Variants in VPS36 observed in about 807,000 individuals in gnomAD.
VPS36 encodes the protein vacuolar protein sorting 36 homolog, also known as vacuolar protein-sorting-associated protein 36.
In VPS36, 31 loss-of-function variants were observed where a neutral mutation model predicts 63.5. The ratio of observed to expected loss-of-function variants is 0.49; its 90% CI spans 0.37 to 0.66. VPS36 has a LOEUF of 0.66. Ranked by LOEUF, VPS36 falls within the 30% of genes least tolerant of loss-of-function variation. The pLI, the probability that VPS36 is intolerant of heterozygous loss-of-function variation, is 0.00. For missense variants in VPS36, 338 were observed against 463.7 expected (o/e 0.73, Z 2.49); for synonymous variants, 138 against 157.2 (o/e 0.88, Z 0.91).
rs769967041 is a variant in VPS36, at chr13:52,413,043, T to G, written c.*2787A>C. On this transcript the variant is annotated 3_prime_UTR_variant, in exon 14 of 14. Coordinates refer to ENST00000378060, the MANE Select transcript of VPS36 (RefSeq NM_016075.4). Reference sequence around the variant, plus strand: ...AATTTATTGGTAATTTAGGAGATTTTCAAGGACCATTCTGAGCATGCTCAA... The same window carrying G: ...AATTTATTGGTAATTTAGGAGATTTGCAAGGACCATTCTGAGCATGCTCAA... The G allele has an allele frequency of 1.3e-5, 2 of 152,682 alleles. No individual in the cohort carries two copies. The highest frequency in any genetic ancestry group is 2.4e-5 in the African/African-American group (1 of 41,464). 9.5% of individuals were successfully genotyped at this position (152,682 alleles called of 1,614,324 possible).
In VPS36 at chr13:52,434,795, G is replaced by T; in HGVS notation, c.439C>A (p.Gln147Lys). 6.2e-7 allele frequency: 1 copy of T among 1,611,832 alleles called. No homozygotes were observed. Among genetic ancestry groups the T allele is most frequent in the African/African-American group, 1.3e-5 (1 of 74,908 alleles). The change falls in exon 5 of 14, where the codon CAG becomes AAG. Residue 147 changes from glutamine (Q) to lysine (K), a missense_variant and splice_region_variant. Gln to Lys is a moderately conservative substitution (Grantham distance 53, BLOSUM62 1). Coordinates refer to ENST00000378060, the MANE Select transcript of VPS36 (RefSeq NM_016075.4). ...SQSLQTNRGP[Q>K]PGRIRAVGIV... ...TTAGCAAATAGTTTTAAAAATACCT[G>T]GGGTCCTCTATTTGTTTGTAATGAC... is the stretch of plus-strand genomic sequence containing the variant.
At chr13:52,420,052 C>G (rs916470419) in intron 10 of VPS36, among the ~76,000 whole-genome samples, 6 of 151,876 alleles carry the variant, frequency 4.0e-5, no homozygotes, top group African/African-American at 1.2e-4. Flanking sequence ...ACCAGCCTGG[C>G]CAACATGGAG....
intron 10 of VPS36, among the ~76,000 whole-genome samples, chr13:52,420,358 A>G (rs887601779): frequency 1.3e-5 from 2 of 151,726 alleles, no homozygotes; most frequent in African/African-American, 4.8e-5. Flanking sequence ...TTTGAGATGC[A>G]GTCTTGCTCT....
chr13:52,433,808 T>C, intron 5 of VPS36, 60 bp from the exon 6 acceptor site: 1 of 1,469,316 alleles, frequency 6.8e-7, no homozygotes, highest in Non-Finnish European at 9.3e-7. Context: ...CAAAATCTTT[T>C]GTAACCAACC....
intron 3 of VPS36, among the ~76,000 whole-genome samples, chr13:52,437,283 T>C (rs1958228851): frequency 6.6e-6 from 1 of 152,172 alleles, no homozygotes; most frequent in Non-Finnish European, 1.5e-5. Flanking sequence ...TGTGAATGGG[T>C]GGGGCCAGCC....
At position 52,412,824 on chromosome 13, in the gene VPS36, C is replaced by G. The variant is rs1036132118; in HGVS notation, c.*3006G>C. 6.6e-6 allele frequency: 1 copy of G among 152,148 alleles called. No homozygotes were observed. The highest frequency in any genetic ancestry group is 6.6e-5 in the Admixed American group (1 of 15,266). 9.4% of individuals were successfully genotyped at this position (152,148 alleles called of 1,614,324 possible). Reference sequence around the variant, plus strand: ...CCCTTGCGCAGCTTATACTCTAGATCGTAAGGGATGGGATTAGCAATAAAT... The same window carrying G: ...CCCTTGCGCAGCTTATACTCTAGATGGTAAGGGATGGGATTAGCAATAAAT... On this transcript the variant is annotated 3_prime_UTR_variant, in exon 14 of 14. Coordinates refer to ENST00000378060, the MANE Select transcript of VPS36 (RefSeq NM_016075.4).
rs1958091121 is a variant in VPS36, at chr13:52,425,289, T to C, written c.774+643A>G. On this transcript the variant is annotated intron_variant, in intron 9 of 13. Coordinates refer to ENST00000378060, the MANE Select transcript of VPS36 (RefSeq NM_016075.4). Reference sequence around the variant, plus strand: ...AAAAAAAGAAAATGTGAACACTAGATATTAGATAACATTAAGAAAGTATTT... The same window carrying C: ...AAAAAAAGAAAATGTGAACACTAGACATTAGATAACATTAAGAAAGTATTT... Among the ~76,000 whole-genome samples, 3 of 151,322 alleles carry C rather than the reference T, an allele frequency of 2.0e-5. No homozygotes were observed. The South Asian group carries it at 6.3e-4, about 32-fold the overall frequency.
chr13:52,444,866 T>G (rs951466474), intron 1 of VPS36, among the ~76,000 whole-genome samples: 4 of 152,182 alleles, frequency 2.6e-5, no homozygotes, highest in African/African-American at 9.6e-5. Flanking sequence ...CATGTATAAC[T>G]TCATGTAACT....
chr13:52,426,497 A>C (rs536633286), intron 8 of VPS36, among the ~76,000 whole-genome samples: 2 of 152,348 alleles, frequency 1.3e-5, no homozygotes, highest in African/African-American at 4.8e-5. Context: ...AGGCATTGAA[A>C]TAGCCTTTAA....
intron 1 of VPS36, among the ~76,000 whole-genome samples, chr13:52,447,541 A>C (rs1466837999): frequency 6.6e-6 from 1 of 152,162 alleles, no homozygotes; most frequent in Non-Finnish European, 1.5e-5. Context: ...GAGCCCATGA[A>C]AACTGTGCCT....
Position 52,434,805 on chromosome 13 carries a change from A to G in VPS36, c.429T>C (p.Asn143=). The part of the protein sequence containing the change: ...NMPVSQSLQT[N]RGPQPGRIRA... ...GTTTTAAAAATACCTGGGGTCCTCTATTTGTTTGTAATGACTGGGAAACTG... is the reference window on the plus strand; with the variant it reads ...GTTTTAAAAATACCTGGGGTCCTCTGTTTGTTTGTAATGACTGGGAAACTG... Residue 143 remains asparagine, a synonymous_variant, in exon 5 of 14, where the codon AAT becomes AAC. Coordinates refer to ENST00000378060, the MANE Select transcript of VPS36 (RefSeq NM_016075.4). The G allele has an allele frequency of 6.2e-7, 1 of 1,613,520 alleles. No homozygotes were observed. The highest frequency in any genetic ancestry group is 8.5e-7 in the Non-Finnish European group (1 of 1,179,774).
At position 52,415,500 on chromosome 13, in the gene VPS36, T is replaced by C. The variant is rs1253201418; in HGVS notation, c.*330A>G. The C allele has an allele frequency of 4.9e-6, 1 of 202,396 alleles. No homozygotes were observed. Among genetic ancestry groups the C allele is most frequent in the African/African-American group, 2.4e-5 (1 of 42,528 alleles). The allele number at this position is 202,396 out of a possible 1,614,324, so 12.5% of individuals were successfully genotyped here. On this transcript the variant is annotated 3_prime_UTR_variant, in exon 14 of 14. Coordinates refer to ENST00000378060, the MANE Select transcript of VPS36 (RefSeq NM_016075.4). ...CTGTCTGAACATGCAACTTCTCTTT[T>C]TATTCTCTGCAAAACTAAATTCCCT...
chr13:52,441,592 A>C (rs1299581529), intron 2 of VPS36, among the ~76,000 whole-genome samples: 2 of 152,202 alleles, frequency 1.3e-5, no homozygotes, highest in Admixed American at 1.3e-4. Context: ...CTCTACTAAA[A>C]AATGCAAAAA....
At chr13:52,441,028 G>A (rs538836082) in intron 2 of VPS36, among the ~76,000 whole-genome samples, 1 of 152,300 alleles carries the variant, frequency 6.6e-6, no homozygotes, top group Admixed American at 6.5e-5. Flanking sequence ...TGCGTCTGCT[G>A]ATCTGATGGG....
intron 10 of VPS36, among the ~76,000 whole-genome samples, chr13:52,419,946 A>G (rs978210574): frequency 1.3e-5 from 2 of 152,178 alleles, no homozygotes; most frequent in African/African-American, 4.8e-5. Flanking sequence ...AAACACAATT[A>G]GAAGGAATAA....
At chr13:52,424,214 CA>C (rs960059417) in intron 9 of VPS36, among the ~76,000 whole-genome samples, 1 of 152,122 alleles carries the variant, frequency 6.6e-6, no homozygotes, top group Admixed American at 6.6e-5. Context: ...CACCATGTTT[CA>C]AAAAATACAT....
rs1404907596 is a variant in VPS36, at chr13:52,418,568, C to T, written c.841-512G>A. 3.6e-5 allele frequency among the ~76,000 whole-genome samples: 3 copies of T among 84,068 alleles called. No individual in the cohort carries two copies. In the East Asian group the frequency reaches 1.2e-3, roughly 33 times the overall value. The allele number at this position is 84,068 out of a possible 152,430, so 55.2% of individuals were successfully genotyped here. On this transcript the variant is annotated intron_variant, in intron 10 of 13. Coordinates refer to ENST00000378060, the MANE Select transcript of VPS36 (RefSeq NM_016075.4). ...TAGCCTGGGCGATAGTGCGAGACTC[C>T]ATCTCAAAAAAAAAAAAAAAAAAAA...
At chr13:52,427,606 C>CA (rs761470811) in intron 6 of VPS36, among the ~76,000 whole-genome samples, 2,054 of 106,788 alleles carry the variant, frequency 0.019, 17 homozygotes, top group African/African-American at 0.03. Flanking sequence ...GATTCTGTCT[C>CA]AAAAAAAAAA....
chr13:52,447,757 A>T (rs1195614788), intron 1 of VPS36, among the ~76,000 whole-genome samples: 1 of 150,768 alleles, frequency 6.6e-6, no homozygotes, highest in Non-Finnish European at 1.5e-5. Flanking sequence ...ATCAAGGGTG[A>T]CACCGGTGAC....
Sources: allele counts gnomAD v4.1 joint callset (sites outside exome capture counted in the v4.1 genomes callset), GRCh38; gene constraint gnomAD v4.1.1; transcripts MANE v1.5; gene names NCBI Gene and HGNC (gene_info 2026-07-23, HGNC 2026-07-21).